ANKRD33B: variants seen among roughly 807,000 people sequenced by gnomAD.
ANKRD33B encodes the protein ankyrin repeat domain 33B.
A neutral mutation model predicts 21.5 loss-of-function variants in ANKRD33B; 6 were observed. The ratio of observed to expected loss-of-function variants is 0.28; its 90% CI spans 0.15 to 0.55. ANKRD33B has a LOEUF of 0.55. Ranked by LOEUF, ANKRD33B falls within the 20% of genes least tolerant of loss-of-function variation. The pLI, the probability that ANKRD33B is intolerant of heterozygous loss-of-function variation, is 0.94. For missense variants in ANKRD33B, 698 were observed against 747.2 expected (o/e 0.93, Z 0.77); for synonymous variants, 347 against 342.4 (o/e 1.01, Z -0.15).
At chr5:10,600,853 G>T (rs1413375338) in intron 1 of ANKRD33B, among the ~76,000 whole-genome samples, 2 of 152,056 alleles carry the variant, frequency 1.3e-5, no homozygotes, top group South Asian at 2.1e-4. Flanking sequence ...ATTCTGGTGG[G>T]TGTATGGCGG....
chr5:10,566,240 T>C (rs1419852682), intron 1 of ANKRD33B, among the ~76,000 whole-genome samples: 1 of 152,202 alleles, frequency 6.6e-6, no homozygotes, highest in Non-Finnish European at 1.5e-5. Context: ...TGGAGCCCTG[T>C]AGTTCCTGCT....
At chr5:10,641,208 G>GTCGTCTTCT (rs1737047255) in intron 3 of ANKRD33B, among the ~76,000 whole-genome samples, 1 of 122,032 alleles carries the variant, frequency 8.2e-6, no homozygotes, top group Admixed American at 8.7e-5. Flanking sequence ...GTTGTCCCCA[G>GTCGTCTTCT]TCTTCTTCTT....
In ANKRD33B at chr5:10,636,457, A is replaced by T. The variant is rs76045156; in HGVS notation, c.497-1571A>T. ...GGAGATCCCATCTCTACAAAAAAAA[A>T]TTTTTTTTAATTAGCTGGGCATGAT... On this transcript the variant is annotated intron_variant, in intron 2 of 3. Coordinates refer to ENST00000296657, the MANE Select transcript of ANKRD33B (RefSeq NM_001164440.2). Among the ~76,000 whole-genome samples the T allele has an allele frequency of 4.6e-4, 70 of 151,660 alleles. No individual in the cohort carries two copies. In the East Asian group the frequency reaches 5.9e-3, roughly 13 times the overall value.
intron 1 of ANKRD33B, among the ~76,000 whole-genome samples, chr5:10,612,167 T>C (rs968391988): frequency 6.6e-6 from 1 of 152,226 alleles, no homozygotes; most frequent in African/African-American, 2.4e-5. Context: ...TGGAATCTTG[T>C]TTGGAGAATA....
At chr5:10,631,034 C>T (rs775474324) in intron 2 of ANKRD33B, among the ~76,000 whole-genome samples, 13 of 152,164 alleles carry the variant, frequency 8.5e-5, no homozygotes, top group Non-Finnish European at 1.8e-4. Flanking sequence ...GACCTACAGT[C>T]GGACATGGCA....
At chr5:10,600,339 C>A (rs1214227475) in intron 1 of ANKRD33B, among the ~76,000 whole-genome samples, 1 of 152,190 alleles carries the variant, frequency 6.6e-6, no homozygotes, top group Non-Finnish European at 1.5e-5. Context: ...TCTAATAACC[C>A]CCTTCACAAT....
At position 10,620,480 on chromosome 5, in the gene ANKRD33B, G is replaced by A. The variant is rs186707740; in HGVS notation, c.496+2018G>A. ...GAAATACAGATGAGGGACAGGTGTT[G>A]CTGGTGAGAGCTGGGACAAGGATTA... On this transcript the variant is annotated intron_variant, in intron 2 of 3. Coordinates refer to ENST00000296657, the MANE Select transcript of ANKRD33B (RefSeq NM_001164440.2). Among the ~76,000 whole-genome samples, 499 of 152,272 alleles carry A rather than the reference G, an allele frequency of 3.3e-3. 4 individuals are homozygous for A. The highest frequency in any genetic ancestry group is 0.014 in the Middle Eastern group (4 of 294).
At chr5:10,642,493 G>C (rs1379425919) in intron 3 of ANKRD33B, among the ~76,000 whole-genome samples, 2 of 152,094 alleles carry the variant, frequency 1.3e-5, no homozygotes, top group Non-Finnish European at 2.9e-5. Context: ...CAGGAACCAG[G>C]ACCCAGTTTC....
intron 1 of ANKRD33B, among the ~76,000 whole-genome samples, chr5:10,580,516 CT>C (rs200935183): frequency 6.6e-6 from 1 of 152,168 alleles, no homozygotes; most frequent in African/African-American, 2.4e-5. Flanking sequence ...CAGCCCCACC[CT>C]GCCACCCTTC....
intron 2 of ANKRD33B, among the ~76,000 whole-genome samples, chr5:10,632,206 G>C (rs1736737329): frequency 6.6e-6 from 1 of 152,020 alleles, no homozygotes; most frequent in Non-Finnish European, 1.5e-5. Flanking sequence ...GGCGATGGGG[G>C]AAAGCCGAGG....
At chr5:10,631,751 C>T (rs778521886) in intron 2 of ANKRD33B, among the ~76,000 whole-genome samples, 1 of 152,220 alleles carries the variant, frequency 6.6e-6, no homozygotes, top group Non-Finnish European at 1.5e-5. Flanking sequence ...AAAGCAACAG[C>T]GTTAGCATGA....
chr5:10,614,901 G>A (rs1237019447), intron 1 of ANKRD33B, among the ~76,000 whole-genome samples: 8 of 151,726 alleles, frequency 5.3e-5, no homozygotes, highest in Non-Finnish European at 1.2e-4. Context: ...AACAAAAAAA[G>A]TGATGTTCTT....
intron 2 of ANKRD33B, among the ~76,000 whole-genome samples, chr5:10,630,225 C>T (rs1043930421): frequency 2.6e-5 from 4 of 152,168 alleles, no homozygotes; most frequent in African/African-American, 4.8e-5. Flanking sequence ...CTAAACTGTC[C>T]TTGCTCAAGT....
rs1269289604 is a variant in ANKRD33B, at chr5:10,618,421, A to C, written c.455A>C (p.Asp152Ala). The C allele has an allele frequency of 6.5e-7, 1 of 1,537,276 alleles. No individual in the cohort carries two copies. Among genetic ancestry groups the C allele is most frequent in the Non-Finnish European group, 8.7e-7 (1 of 1,146,866 alleles). Residue 152 changes from aspartate (D) to alanine (A), a missense_variant, in exon 2 of 4, where the codon GAC becomes GCC. Asp to Ala is a moderately radical substitution (Grantham distance 126). Transcript: ENST00000296657. Reference protein sequence around the residue: ...ECPHVDVNWQDSEGNTALITA... With the variant: ...ECPHVDVNWQASEGNTALITA... ...CCCCACGTTGACGTCAACTGGCAGG[A>C]CAGCGAGGGGAACACAGCCCTAATC...
intron 1 of ANKRD33B, among the ~76,000 whole-genome samples, chr5:10,595,664 G>A (rs555454093): frequency 4.1e-4 from 63 of 152,316 alleles, no homozygotes; most frequent in Middle Eastern, 3.4e-3. Context: ...AGTGGGGCCT[G>A]ATGGGCAGAG....
chr5:10,580,016 T>C (rs1236828679), intron 1 of ANKRD33B, among the ~76,000 whole-genome samples: 1 of 152,102 alleles, frequency 6.6e-6, no homozygotes, highest in Non-Finnish European at 1.5e-5. Context: ...CAACCATTAA[T>C]CTACTCTGTC....
chr5:10,612,063 C>T (rs372833064), intron 1 of ANKRD33B, among the ~76,000 whole-genome samples: 21 of 152,310 alleles, frequency 1.4e-4, no homozygotes, highest in African/African-American at 5.1e-4. Flanking sequence ...CTTGAGGCTG[C>T]AGTACTCACC....
At chr5:10,578,632 T>TA (rs1467715313) in intron 1 of ANKRD33B, among the ~76,000 whole-genome samples, 1 of 152,192 alleles carries the variant, frequency 6.6e-6, no homozygotes, top group Non-Finnish European at 1.5e-5. Context: ...GTAGATTAAA[T>TA]ACATTTCTTG....
Position 10,564,690 on chromosome 5 carries a change from G to A in ANKRD33B, c.223G>A (p.Val75Ile). The A allele has an allele frequency of 1.3e-6, 2 of 1,533,812 alleles. No individual in the cohort carries two copies. Among genetic ancestry groups the A allele is most frequent in the South Asian group, 2.4e-5 (2 of 83,964 alleles). The change falls in exon 1 of 4, where the codon GTC (valine) becomes ATC (isoleucine). Residue 75 changes from valine to isoleucine, a missense_variant. Physicochemically the swap from Val to Ile is conservative, Grantham distance 29. Transcript: ENST00000296657. ...EEHGVESAES[V>I]PEGVPESVPE... ...GCACGGCGTCGAGAGCGCGGAGAGC[G>A]TCCCGGAGGGCGTCCCGGAAAGCGT...
Sources: gnomAD v4.1 joint callset for allele counts (sites outside exome capture counted in the v4.1 genomes callset) on GRCh38, gnomAD v4.1.1 for gene constraint, MANE v1.5 for transcripts, NCBI Gene and HGNC (gene_info 2026-07-23, HGNC 2026-07-21) for gene names.